FOXP1: variants seen among roughly 807,000 people sequenced by gnomAD.
The protein encoded by FOXP1 is forkhead box P1.
FOXP1 carries 15 observed loss-of-function variants against 98.2 expected under a neutral mutation model. That is an observed-to-expected ratio of 0.15 (90% CI 0.10 to 0.24). The LOEUF (loss-of-function observed/expected upper bound fraction) is 0.24. FOXP1 is among the 10% of genes least tolerant of loss of function. The pLI is 1.00. For missense variants in FOXP1, 633 were observed against 848.5 expected, an observed-to-expected ratio of 0.75 and a Z score of 3.15; for synonymous variants, 371 against 314.5, an observed-to-expected ratio of 1.18 and a Z score of -1.90.
chr3:71,497,725 A>C (rs1471550540), intron 2 of FOXP1, among the ~76,000 whole-genome samples: 1 of 152,196 alleles, frequency 6.6e-6, no homozygotes, highest in Non-Finnish European at 1.5e-5. Flanking sequence ...TTATTCAGTG[A>C]ACCCCCAGGG....
intron 3 of FOXP1, among the ~76,000 whole-genome samples, chr3:71,402,562 C>T (rs1475112135): frequency 6.6e-6 from 1 of 152,226 alleles, no homozygotes; most frequent in African/African-American, 2.4e-5. Context: ...GAGATCTATA[C>T]ATGTCAACAT....
intron 7 of FOXP1, chr3:71,064,993 T>G (rs1240286103): frequency 4.6e-5 from 1 of 21,632 alleles, no homozygotes; most frequent in Non-Finnish European, 8.3e-5. Context: ...CGCCCCGCCC[T>G]GCTCCACCAA....
chr3:71,042,490 T>G (rs2048482597), intron 10 of FOXP1, among the ~76,000 whole-genome samples: 1 of 152,130 alleles, frequency 6.6e-6, no homozygotes, highest in Non-Finnish European at 1.5e-5. Context: ...AATAAAGATA[T>G]TCTAGATGAC....
chr3:71,448,041 T>C (rs2086607961), intron 3 of FOXP1, among the ~76,000 whole-genome samples: 1 of 152,178 alleles, frequency 6.6e-6, no homozygotes, highest in Non-Finnish European at 1.5e-5. Flanking sequence ...CCAGGCCTCA[T>C]GGAACCCTTC....
At chr3:71,222,301 G>A (rs780666321) in intron 5 of FOXP1, among the ~76,000 whole-genome samples, 4 of 152,142 alleles carry the variant, frequency 2.6e-5, no homozygotes, top group African/African-American at 4.8e-5. Context: ...GAGACCAGAG[G>A]GTGTCTGTCA....
chr3:71,363,973 G>A (rs1481827321), intron 3 of FOXP1, among the ~76,000 whole-genome samples: 1 of 152,124 alleles, frequency 6.6e-6, no homozygotes, highest in Non-Finnish European at 1.5e-5. Context: ...ATTCGCCTGG[G>A]TCCCTGAAAG....
chr3:71,216,401 A>C (rs564965558), intron 5 of FOXP1, among the ~76,000 whole-genome samples: 4 of 152,216 alleles, frequency 2.6e-5, no homozygotes, highest in African/African-American at 9.6e-5. Flanking sequence ...TTCTGACCTC[A>C]CTTTTATCTG....
chr3:71,254,771 C>CAA (rs2068493744), intron 5 of FOXP1, among the ~76,000 whole-genome samples: 1 of 152,198 alleles, frequency 6.6e-6, no homozygotes, highest in African/African-American at 2.4e-5. Context: ...CTGTGTCTTT[C>CAA]ACTGTAGCTG....
At chr3:71,104,283 G>A (rs955887160) in intron 7 of FOXP1, among the ~76,000 whole-genome samples, 1 of 152,080 alleles carries the variant, frequency 6.6e-6, no homozygotes, top group Admixed American at 6.5e-5. Flanking sequence ...CATCTTTGCT[G>A]GGTGATTCAC....
At chr3:71,482,367 C>CTTTTTTT (rs11464442) in intron 3 of FOXP1, among the ~76,000 whole-genome samples, 1 of 114,156 alleles carries the variant, frequency 8.8e-6, no homozygotes, top group East Asian at 2.4e-4. Flanking sequence ...AATACATAAC[C>CTTTTTTT]TTTTTTTTTT....
At chr3:71,540,571 G>T (rs1560629566) in intron 2 of FOXP1, among the ~76,000 whole-genome samples, 1 of 152,228 alleles carries the variant, frequency 6.6e-6, no homozygotes, top group African/African-American at 2.4e-5. Flanking sequence ...ACCATGCTAA[G>T]TGTCTCATGT....
intron 14 of FOXP1, 105 bp downstream of exon 14, chr3:70,987,889 C>T (rs1027090973): frequency 9.9e-7 from 1 of 1,009,254 alleles, no homozygotes; most frequent in Non-Finnish European, 1.6e-6. Context: ...AAACTCAAAG[C>T]TCCACCAAAG....
At chr3:71,015,996 T>C (rs995064699) in intron 11 of FOXP1, among the ~76,000 whole-genome samples, 1 of 152,188 alleles carries the variant, frequency 6.6e-6, no homozygotes, top group African/African-American at 2.4e-5. Context: ...AATTATAAAA[T>C]CTGTACTTGA....
intron 2 of FOXP1, among the ~76,000 whole-genome samples, chr3:71,530,451 T>C (rs543647101): frequency 6.6e-6 from 1 of 152,200 alleles, no homozygotes; most frequent in African/African-American, 2.4e-5. Context: ...TTATTAATGA[T>C]CCAGTCTGTG....
intron 5 of FOXP1, among the ~76,000 whole-genome samples, chr3:71,276,647 T>C (rs2107350491): frequency 6.6e-6 from 1 of 152,304 alleles, no homozygotes; most frequent in East Asian, 1.9e-4. Context: ...ACTGTATATA[T>C]GCATGGTGAT....
chr3:71,354,966 T>C (rs1339581539), intron 4 of FOXP1, among the ~76,000 whole-genome samples: 1 of 152,170 alleles, frequency 6.6e-6, no homozygotes, highest in Admixed American at 6.5e-5. Context: ...CTTAATCAAT[T>C]TGTACCACCC....
chr3:71,102,055 C>A (rs915815868), intron 7 of FOXP1, among the ~76,000 whole-genome samples: 1 of 152,132 alleles, frequency 6.6e-6, no homozygotes, highest in African/African-American at 2.4e-5. Context: ...AGTATTCAGT[C>A]CCTGTAATTT....
Position 70,987,977 on chromosome 3 carries a change from T to C in FOXP1, c.1146+17A>G, listed in dbSNP as rs1256113174. Reference sequence around the variant, plus strand: ...GTGAGTTTTGTTTTTTTCCCCTTGGTGGGGATCAATACTTACGGGCTGAGG... The same window carrying C: ...GTGAGTTTTGTTTTTTTCCCCTTGGCGGGGATCAATACTTACGGGCTGAGG... On this transcript the variant is annotated intron_variant, in intron 14 of 20. Coordinates refer to ENST00000649528, the MANE Select transcript of FOXP1 (RefSeq NM_001349338.3). 1 of 1,611,086 alleles carries C rather than the reference T, an allele frequency of 6.2e-7. No individual in the cohort carries two copies. The highest frequency in any genetic ancestry group is 2.2e-5 in the East Asian group (1 of 44,870).
At chr3:71,328,684 G>T (rs2076074117) in intron 4 of FOXP1, among the ~76,000 whole-genome samples, 1 of 152,128 alleles carries the variant, frequency 6.6e-6, no homozygotes, top group African/African-American at 2.4e-5. Context: ...AAAAGAATCT[G>T]ACAGTTGGCT....
Sources: allele counts gnomAD v4.1 joint callset (sites outside exome capture counted in the v4.1 genomes callset), GRCh38; gene constraint gnomAD v4.1.1; transcripts MANE v1.5; gene names NCBI Gene and HGNC (gene_info 2026-07-23, HGNC 2026-07-21).